The following SF3B3 variants were observed in gnomAD, a reference collection of about 807,000 sequenced individuals.
The protein encoded by SF3B3 is SAP 130.
Under a neutral mutation model 139.2 loss-of-function variants are expected in SF3B3, and 33 were observed. The ratio of observed to expected loss-of-function variants is 0.24; its 90% confidence interval spans 0.18 to 0.32. SF3B3 has a LOEUF of 0.32. Ranked by LOEUF, SF3B3 falls within the 10% of genes least tolerant of loss-of-function variation. SF3B3 has a pLI of 1.00. For synonymous variants in SF3B3, 596 were observed against 563.6 expected, an observed-to-expected ratio of 1.06 and a Z score of -0.81; for missense variants, 818 against 1,509.4, an observed-to-expected ratio of 0.54 and a Z score of 7.59.
chr16:70,557,447 T>G (rs1194654828), intron 15 of SF3B3, among the ~76,000 whole-genome samples: 1 of 152,254 alleles, frequency 6.6e-6, no homozygotes, highest in Non-Finnish European at 1.5e-5. Flanking sequence ...AAAGGTGTGC[T>G]TTAACGCTAA....
intron 5 of SF3B3, 89 bp from the exon 6 acceptor site, chr16:70,535,219 C>T: frequency 1.6e-6 from 1 of 615,320 alleles, no homozygotes; most frequent in Non-Finnish European, 2.9e-6. Context: ...TTACCATCAT[C>T]AAGTTGTGCT....
chr16:70,563,503 T>G (rs1275367426), intron 17 of SF3B3, among the ~76,000 whole-genome samples: 1 of 152,214 alleles, frequency 6.6e-6, no homozygotes, highest in Non-Finnish European at 1.5e-5. Flanking sequence ...CCACTTTATT[T>G]TATGAAGCAC....
intron 16 of SF3B3, among the ~76,000 whole-genome samples, 184 bp downstream of exon 16, chr16:70,560,775 G>A (rs1464959502): frequency 6.6e-6 from 1 of 152,188 alleles, no homozygotes; most frequent in Non-Finnish European, 1.5e-5. Flanking sequence ...ATCGCACCAT[G>A]TCATGATTTG....
At chr16:70,557,713 C>T (rs890395124) in intron 15 of SF3B3, among the ~76,000 whole-genome samples, 1 of 151,806 alleles carries the variant, frequency 6.6e-6, no homozygotes, top group African/African-American at 2.4e-5. Flanking sequence ...CATGGGTTTT[C>T]GGTCTATTTT....
chr16:70,530,866 A>G lies in SF3B3; in HGVS notation c.519A>G (p.Val173=), dbSNP rs2050114335. The change falls in exon 4 of 26, where the codon GTA becomes GTG. Residue 173 remains valine (V), a synonymous_variant. Coordinates refer to ENST00000302516, the MANE Select transcript of SF3B3 (RefSeq NM_012426.5). The part of the protein sequence containing the change: ...ANTLVYHVVG[V]DVGFENPMFA... ...CTTTAGTGTATCATGTAGTTGGAGT[A>G]GATGTCGGATTTGAAAATCCAATGT... 2.5e-6 allele frequency: 4 copies of G among 1,613,816 alleles called. No homozygotes were observed. The East Asian group carries it at 8.9e-5, about 36-fold the overall frequency.
intron 24 of SF3B3, 117 bp from the exon 25 acceptor site, chr16:70,570,978 T>C (rs1045369563): frequency 9.4e-6 from 7 of 746,098 alleles, no homozygotes; most frequent in Non-Finnish European, 1.7e-5. Flanking sequence ...AGTGATTAGA[T>C]ATTTCCCGTG....
At position 70,555,126 on chromosome 16, in the gene SF3B3, A is replaced by G. The variant is rs1286129842; in HGVS notation, c.1630A>G (p.Ile544Val). ...GTGGAAGACCCCTGGAAAGAAAACAATTGTGAAGTGTGCAGTGAACCAGCG... is the reference window on the plus strand; with the variant it reads ...GTGGAAGACCCCTGGAAAGAAAACAGTTGTGAAGTGTGCAGTGAACCAGCG... Reference protein sequence around the residue: ...NEWKTPGKKTIVKCAVNQRQV... With the variant: ...NEWKTPGKKTVVKCAVNQRQV... Residue 544 changes from isoleucine to valine, a missense_variant, in exon 13 of 26, where the codon ATT (isoleucine) becomes GTT (valine). This residue lies in a region of SF3B3 where 170 missense variants were observed against 353.0 expected (regional missense o/e 0.48). Coordinates refer to ENST00000302516, the MANE Select transcript of SF3B3 (RefSeq NM_012426.5). 1.9e-6 allele frequency: 3 copies of G among 1,614,206 alleles called. No homozygotes were observed. Among genetic ancestry groups the G allele is most frequent in the East Asian group, 2.2e-5 (1 of 44,888 alleles).
chr16:70,529,358 A>C (rs1011224402), intron 3 of SF3B3, among the ~76,000 whole-genome samples, 159 bp downstream of exon 3: 10 of 151,962 alleles, frequency 6.6e-5, no homozygotes, highest in South Asian at 2.1e-4. Flanking sequence ...AAAGAGTTGC[A>C]TTTTCTTTTA....
intron 3 of SF3B3, 102 bp downstream of exon 3, chr16:70,529,301 C>A: frequency 1.0e-6 from 1 of 960,106 alleles, no homozygotes; most frequent in Non-Finnish European, 1.6e-6. Flanking sequence ...GTGGGTTTGG[C>A]ATCATGTTTG....
intron 10 of SF3B3, among the ~76,000 whole-genome samples, chr16:70,544,875 A>G (rs570410842): frequency 2.2e-4 from 34 of 151,904 alleles, no homozygotes; most frequent in African/African-American, 2.4e-4. Flanking sequence ...CTATTCCTCA[A>G]CTTGTTAGCA....
At position 70,528,801 on chromosome 16, in the gene SF3B3, A is replaced by C. The variant is rs1230591011; in HGVS notation, c.71-72A>C. 10 of 1,107,154 alleles carry C rather than the reference A, an allele frequency of 9.0e-6. No homozygotes were observed. In the East Asian group the frequency reaches 2.4e-4, roughly 26 times the overall value. The allele number at this position is 1,107,154 out of a possible 1,614,324, so 68.6% of individuals were successfully genotyped here. On this transcript the variant is annotated intron_variant, in intron 2 of 25. Transcript: ENST00000302516. ...CCTGGCTAATTTTTGTATTTTTAGT[A>C]GAGACGGGGTTTCACCATGGTGGCC... is the stretch of plus-strand genomic sequence containing the variant.
Position 70,568,300 on chromosome 16 carries a change from C to A in SF3B3, c.2970C>A (p.Ile990=), listed in dbSNP as rs1177727594. Residue 990 remains isoleucine, a synonymous_variant, in exon 22 of 26, where the codon ATC becomes ATA. Transcript: ENST00000302516. ...TTTCCCAGCATATTGCCAATTATAT[C>A]TCTGGGATCCAGACTATCGGACATA... The part of the protein sequence containing the change: ...KCENKHIANY[I]SGIQTIGHRV... 5.0e-6 allele frequency: 8 copies of A among 1,611,810 alleles called. No individual in the cohort carries two copies. The highest frequency in any genetic ancestry group is 5.9e-6 in the Non-Finnish European group (7 of 1,177,970).
At chr16:70,529,716 A>G (rs1320665735) in intron 3 of SF3B3, 1 of 153,184 alleles carries the variant, frequency 6.5e-6, no homozygotes, top group Non-Finnish European at 1.5e-5. Flanking sequence ...TTAGTGGGAT[A>G]TTTAAGACCT....
chr16:70,533,536 C>T (rs1177565230), intron 5 of SF3B3, among the ~76,000 whole-genome samples: 1 of 152,064 alleles, frequency 6.6e-6, no homozygotes, highest in African/African-American at 2.4e-5. Flanking sequence ...TTTAAATGCA[C>T]ATAGCTAAGT....
chr16:70,563,892 A>G lies in SF3B3; in HGVS notation c.2305A>G (p.Lys769Glu), dbSNP rs779742033. The change falls in exon 18 of 26, where the codon AAG (lysine) becomes GAG (glutamate). Residue 769 changes from lysine (K) to glutamate (E), a missense_variant. Around this residue, in one of 14 missense-constraint regions of SF3B3, gnomAD observed 170 missense variants for 353.0 expected, o/e 0.48. Coordinates refer to ENST00000302516, the MANE Select transcript of SF3B3 (RefSeq NM_012426.5). ...TNTLRILALE[K>E]LGAVFNQVAF... is the part of the protein sequence containing the mutation. ...TTGTCATAGGATTTTGGCATTAGAG[A>G]AGCTCGGTGCTGTCTTCAATCAAGT... is the stretch of plus-strand genomic sequence containing the variant. 6.2e-7 allele frequency: 1 copy of G among 1,613,830 alleles called. No individual in the cohort carries two copies.
intron 17 of SF3B3, 87 bp from the exon 18 acceptor site, chr16:70,563,789 G>C (rs186164842): frequency 2.4e-6 from 3 of 1,253,072 alleles, no homozygotes; most frequent in African/African-American, 3.0e-5. Context: ...AGGGATTGAC[G>C]TGTTTGCTGA....
Position 70,572,138 on chromosome 16 carries a change from T to C in SF3B3, c.*325T>C. On this transcript the variant is annotated 3_prime_UTR_variant, in exon 26 of 26. Coordinates refer to ENST00000302516, the MANE Select transcript of SF3B3 (RefSeq NM_012426.5). Reference sequence around the variant, plus strand: ...CTCCTGTCTACTTTTGCACACACCCTTAATTTTTAATTGGTTTTCTTGTAA... The same window carrying C: ...CTCCTGTCTACTTTTGCACACACCCCTAATTTTTAATTGGTTTTCTTGTAA... 1.9e-6 allele frequency: 1 copy of C among 517,402 alleles called. No homozygotes were observed. The highest frequency in any genetic ancestry group is 3.7e-6 in the Non-Finnish European group (1 of 266,988). The allele number at this position is 517,402 out of a possible 1,614,324, so 32.1% of individuals were successfully genotyped here.
Position 70,576,370 on chromosome 16 carries a change from A to C in SF3B3, c.*4557A>C. 1 of 112,202 alleles carries C rather than the reference A, an allele frequency of 8.9e-6. No individual in the cohort carries two copies. The highest frequency in any genetic ancestry group is 3.1e-4 in the East Asian group (1 of 3,260). The allele number at this position is 112,202 out of a possible 1,614,324, so 7.0% of individuals were successfully genotyped here. A position where few individuals can be genotyped will look rare whatever the true frequency, so the allele number is the denominator to read the frequency against. ...AGAGGCAAGCCCCCTTCAGTTTCCC[A>C]CCTCTCACTCTGCCTTCCAGAGCCT... On this transcript the variant is annotated 3_prime_UTR_variant, in exon 26 of 26. Coordinates refer to ENST00000302516, the MANE Select transcript of SF3B3 (RefSeq NM_012426.5).
chr16:70,534,608 A>C (rs1275437759), intron 5 of SF3B3, among the ~76,000 whole-genome samples: 3 of 152,156 alleles, frequency 2.0e-5, no homozygotes, highest in Admixed American at 2.0e-4. Flanking sequence ...GAGGTGGAGC[A>C]GGGTTGGGAA....
Sources: gnomAD v4.1 joint callset for allele counts (sites outside exome capture counted in the v4.1 genomes callset) on GRCh38, gnomAD v4.1.1 for gene constraint, gnomAD v4.1.1 regional missense constraint, MANE v1.5 for transcripts, NCBI Gene and HGNC (gene_info 2026-07-23, HGNC 2026-07-21) for gene names.